MAST1: variants seen among roughly 807,000 people sequenced by gnomAD.
The protein encoded by MAST1 is microtubule-associated serine/threonine-protein kinase 1.
In MAST1, 40 loss-of-function variants were observed where a neutral mutation model predicts 124.6. The ratio of observed to expected loss-of-function variants is 0.32; its 90% CI spans 0.25 to 0.42. The LOEUF (loss-of-function observed/expected upper bound fraction) is 0.42. Ranked by LOEUF, MAST1 falls within the 10% of genes least tolerant of loss-of-function variation. MAST1 has a pLI of 1.00. For missense variants in MAST1, 1,558 were observed against 2,181.9 expected, an observed-to-expected ratio of 0.71 and a Z score of 5.70; for synonymous variants, 938 against 939.4, an observed-to-expected ratio of 1.00 and a Z score of 0.03.
At position 12,843,479 on chromosome 19, in the gene MAST1, G is replaced by A; in HGVS notation, c.249-50G>A. ...GGCTTCACCCACACCCTGAGGAGTT[G>A]GGGGACCGCTGGGGCCTTGTGGCCT... On this transcript the variant is annotated intron_variant, in intron 3 of 25. Transcript: ENST00000251472. This position sits in a 1 kb window ranked among gnomAD's most constrained non-coding sequence, Gnocchi z 4.9. 6.7e-7 allele frequency: 1 copy of A among 1,490,102 alleles called. No homozygotes were observed. 92.3% of individuals were successfully genotyped at this position (1,490,102 alleles called of 1,614,324 possible).
At chr19:12,868,880 G>T (rs755411431) in intron 21 of MAST1, 31 bp downstream of exon 21, 1 of 1,557,014 alleles carries the variant, frequency 6.4e-7, no homozygotes, top group Non-Finnish European at 8.7e-7. Context: ...GCAGGGGAGG[G>T]GCTGCCCCCC....
intron 7 of MAST1, chr19:12,848,344 G>A: frequency 2.7e-6 from 1 of 375,812 alleles, no homozygotes; most frequent in Non-Finnish European, 4.9e-6. Flanking sequence ...ACTCGGCCGG[G>A]CTCGGTGGCT....
chr19:12,840,549 A>G lies in MAST1; in HGVS notation c.172+15A>G. 1 of 1,600,546 alleles carries G rather than the reference A, an allele frequency of 6.2e-7. No homozygotes were observed. The highest frequency in any genetic ancestry group is 2.2e-5 in the East Asian group (1 of 44,788). On this transcript the variant is annotated intron_variant, in intron 2 of 25. Coordinates refer to ENST00000251472, the MANE Select transcript of MAST1 (RefSeq NM_014975.3). ...AGGTCACCTAGGTGAGGCCAGTGGT[A>G]GAGACTTGGTGGGTGCAGACTGGCC...
In MAST1 at chr19:12,865,236, A is replaced by T; in HGVS notation, c.1638+58A>T. The T allele has an allele frequency of 6.3e-7, 1 of 1,593,152 alleles. No individual in the cohort carries two copies. Among genetic ancestry groups the T allele is most frequent in the Non-Finnish European group, 8.6e-7 (1 of 1,168,350 alleles). Reference sequence around the variant, plus strand: ...GGAGTGACCCTGCAGGACCTCGGGAACCCAGGGCCTGGTGGGGGGCACAGC... The same window carrying T: ...GGAGTGACCCTGCAGGACCTCGGGATCCCAGGGCCTGGTGGGGGGCACAGC... On this transcript the variant is annotated intron_variant, in intron 14 of 25. Transcript: ENST00000251472. The surrounding 1 kb of genome is among the most constrained non-coding windows in gnomAD (Gnocchi z 7.1).
chr19:12,856,448 A>AACC (rs1970018430), intron 10 of MAST1, among the ~76,000 whole-genome samples: 1 of 151,906 alleles, frequency 6.6e-6, no homozygotes, highest in African/African-American at 2.4e-5. Context: ...GATTATAGGC[A>AACC]ACCACCACCA....
At position 12,870,941 on chromosome 19, in the gene MAST1, C is replaced by G. The variant is rs777327909; in HGVS notation, c.3121C>G (p.Leu1041Val). ...MVHPEVVELILKSGNKVAVTT... is the reference protein window; with the variant it reads ...MVHPEVVELIVKSGNKVAVTT... ...GCATCCTGAGGTCGTGGAGCTGATC[C>G]TTAAGGTGAGTGCAGGGAAGGAGGC... Residue 1041 changes from leucine to valine, a missense_variant, in exon 23 of 26, where the codon CTT (leucine) becomes GTT (valine). Leu to Val is a conservative substitution (Grantham distance 32). Around this residue, in one of 10 missense-constraint regions of MAST1, gnomAD observed 291 missense variants for 475.8 expected, o/e 0.61. Transcript: ENST00000251472. The G allele has an allele frequency of 1.2e-6, 2 of 1,613,724 alleles. No individual in the cohort carries two copies. The highest frequency in any genetic ancestry group is 1.7e-6 in the Non-Finnish European group (2 of 1,179,830).
intron 12 of MAST1, among the ~76,000 whole-genome samples, chr19:12,862,596 A>G (rs758759155): frequency 2.0e-5 from 3 of 152,128 alleles, no homozygotes; most frequent in Non-Finnish European, 4.4e-5. Flanking sequence ...ACTTGTGGTC[A>G]AGAGTCCAAG....
chr19:12,841,606 T>C lies in MAST1; in HGVS notation c.248+540T>C, dbSNP rs541146248. Among the ~76,000 whole-genome samples, 29 of 152,362 alleles carry C rather than the reference T, an allele frequency of 1.9e-4. No individual in the cohort carries two copies. The highest frequency in any genetic ancestry group is 6.5e-4 in the African/African-American group (27 of 41,586). ...GCAGAGAGGTTTCTCTGATGTTTTC[T>C]GGAGAAACGTTTCTGGGAGTTTGGG... On this transcript the variant is annotated intron_variant, in intron 3 of 25. Coordinates refer to ENST00000251472, the MANE Select transcript of MAST1 (RefSeq NM_014975.3). This position sits in a 1 kb window ranked among gnomAD's most constrained non-coding sequence, Gnocchi z 4.3.
Position 12,843,062 on chromosome 19 carries a change from G to A in MAST1, c.249-467G>A, listed in dbSNP as rs1031448928. Among the ~76,000 whole-genome samples, 1 of 152,148 alleles carries A rather than the reference G, an allele frequency of 6.6e-6. No homozygotes were observed. Among genetic ancestry groups the A allele is most frequent in the African/African-American group, 2.4e-5 (1 of 41,424 alleles). On this transcript the variant is annotated intron_variant, in intron 3 of 25. Coordinates refer to ENST00000251472, the MANE Select transcript of MAST1 (RefSeq NM_014975.3). The surrounding 1 kb of genome is among the most constrained non-coding windows in gnomAD (Gnocchi z 4.9). Reference sequence around the variant, plus strand: ...ACCTGATAGTCACACCAACATTAATGGATTTGGCTGCAACAGTGACTGTGT... The same window carrying A: ...ACCTGATAGTCACACCAACATTAATAGATTTGGCTGCAACAGTGACTGTGT...
In MAST1 at chr19:12,852,191, C is replaced by T. The variant is rs1386759056; in HGVS notation, c.953C>T (p.Thr318Met). ...GCCAAGGAGGGCCACCTTGTGAAGA[C>T]GGACATCCCCCGCTACATCATCCGC... Reference protein sequence around the residue: ...GHAKEGHLVKTDIPRYIIRQL... With the variant: ...GHAKEGHLVKMDIPRYIIRQL... The change falls in exon 9 of 26, where the codon ACG becomes ATG. Residue 318 changes from threonine (T) to methionine (M), a missense_variant. Thr to Met is a moderately conservative substitution (Grantham distance 81). Transcript: ENST00000251472. 4 of 1,613,924 alleles carry T rather than the reference C, an allele frequency of 2.5e-6. No homozygotes were observed. The highest frequency in any genetic ancestry group is 3.4e-6 in the Non-Finnish European group (4 of 1,180,016).
intron 1 of MAST1, among the ~76,000 whole-genome samples, chr19:12,840,157 A>G (rs971225154): frequency 2.6e-5 from 4 of 152,262 alleles, no homozygotes; most frequent in African/African-American, 9.6e-5. Context: ...CACGCTCAGT[A>G]TCACCAATGG....
At position 12,867,666 on chromosome 19, in the gene MAST1, T is replaced by C. The variant is rs376514566; in HGVS notation, c.2318+14T>C. ...CTCTCCGGAGATGTGAGCAGGGGAATGGCGGAGTTTGGGGGCGGGGTCGAA... is the reference window on the plus strand; with the variant it reads ...CTCTCCGGAGATGTGAGCAGGGGAACGGCGGAGTTTGGGGGCGGGGTCGAA... On this transcript the variant is annotated intron_variant, in intron 19 of 25. Transcript: ENST00000251472. 2 of 1,560,278 alleles carry C rather than the reference T, an allele frequency of 1.3e-6. No individual in the cohort carries two copies. Among genetic ancestry groups the C allele is most frequent in the Admixed American group, 2.0e-5 (1 of 50,898 alleles).
chr19:12,859,515 T>C (rs1045952829), intron 12 of MAST1, among the ~76,000 whole-genome samples: 20 of 151,992 alleles, frequency 1.3e-4, no homozygotes, highest in African/African-American at 4.8e-4. Flanking sequence ...GCCTCCCAAA[T>C]ACCTGGGATT....
At chr19:12,852,076 C>G (rs763578529) in intron 8 of MAST1, 39 bp from the exon 9 acceptor site, 1 of 1,613,584 alleles carries the variant, frequency 6.2e-7, no homozygotes, top group Non-Finnish European at 8.5e-7. Flanking sequence ...TTGGTAGACC[C>G]TGGGAGCCTG....
Position 12,847,034 on chromosome 19 carries a change from C to T in MAST1, c.328-256C>T, listed in dbSNP as rs1378323045. Among the ~76,000 whole-genome samples the T allele has an allele frequency of 6.6e-6, 1 of 152,102 alleles. No individual in the cohort carries two copies. The highest frequency in any genetic ancestry group is 1.5e-5 in the Non-Finnish European group (1 of 68,022). On this transcript the variant is annotated intron_variant, in intron 4 of 25. Coordinates refer to ENST00000251472, the MANE Select transcript of MAST1 (RefSeq NM_014975.3). The surrounding 1 kb of genome is among the most constrained non-coding windows in gnomAD (Gnocchi z 5.5). The stretch of plus-strand genomic sequence containing the variant: ...TTCACCCTGAGTAAGGTGGGAGCCA[C>T]CAAGGGTTCTGAACAGAGGAGGCTC...
At chr19:12,872,346 G>C (rs181827160) in intron 24 of MAST1, among the ~76,000 whole-genome samples, 2 of 152,246 alleles carry the variant, frequency 1.3e-5, no homozygotes, top group East Asian at 3.9e-4. Flanking sequence ...AGCCAGACGG[G>C]GTTGAGATAA....
intron 12 of MAST1, among the ~76,000 whole-genome samples, chr19:12,861,686 CT>C (rs752465351): frequency 1.5e-5 from 1 of 66,116 alleles, no homozygotes; most frequent in African/African-American, 7.3e-5. Flanking sequence ...TTCTCTCTTT[CT>C]TTCTTTCTTT....
Position 12,866,880 on chromosome 19 carries a change from G to C in MAST1, c.2139+118G>C, listed in dbSNP as rs1012401151. On this transcript the variant is annotated intron_variant, in intron 18 of 25. Transcript: ENST00000251472. The surrounding 1 kb of genome is among the most constrained non-coding windows in gnomAD (Gnocchi z 5.2). ...CTCAGGAGCGGGAAGTTATTGATGG[G>C]GCGGGAGTCTGGAAGGTGGTAAGGC... 1 of 845,290 alleles carries C rather than the reference G, an allele frequency of 1.2e-6. No homozygotes were observed. The highest frequency in any genetic ancestry group is 2.2e-5 in the Admixed American group (1 of 46,190). 52.4% of individuals were successfully genotyped at this position (845,290 alleles called of 1,614,324 possible).
rs140162728 is a variant in MAST1, at chr19:12,869,186, G to A, written c.2894G>A (p.Arg965His). ...RDYSPAVSGL[R>H]SPITIQRSGK... ...TACTCACCAGCTGTCAGTGGGCTCC[G>A]CTCCCCCATCACCATCCAGCGCTCG... Residue 965 changes from arginine to histidine, a missense_variant, in exon 22 of 26, where the codon CGC becomes CAC. Arg to His is a conservative substitution (Grantham distance 29). This residue lies in a region of MAST1 where 291 missense variants were observed against 475.8 expected (regional missense o/e 0.61). Transcript: ENST00000251472. The A allele has an allele frequency of 5.6e-5, 91 of 1,614,122 alleles. No individual in the cohort carries two copies. In the African/African-American group the frequency reaches 1.1e-3, roughly 20 times the overall value.
Sources: gnomAD v4.1 joint callset for allele counts (sites outside exome capture counted in the v4.1 genomes callset) on GRCh38, gnomAD v4.1.1 for gene constraint, gnomAD v4.1.1 regional missense constraint, Gnocchi (gnomAD v3.1) non-coding constraint, MANE v1.5 for transcripts, NCBI Gene and HGNC (gene_info 2026-07-23, HGNC 2026-07-21) for gene names.